CTNNAL1: variants seen among roughly 807,000 people sequenced by gnomAD.
The protein encoded by CTNNAL1 is catenin alpha like 1.
Under a neutral mutation model 93.6 loss-of-function variants are expected in CTNNAL1, and 69 were observed. The ratio of observed to expected loss-of-function variants is 0.74; its 90% CI spans 0.61 to 0.90. CTNNAL1 has a LOEUF of 0.90. Among genes scored for constraint, CTNNAL1 ranks in the 40% least tolerant of loss-of-function variants. The pLI, the probability that CTNNAL1 is intolerant of heterozygous loss-of-function variation, is 0.00. For missense variants in CTNNAL1, 836 were observed against 862.0 expected, an observed-to-expected ratio of 0.97 and a Z score of 0.38; for synonymous variants, 286 against 305.4, an observed-to-expected ratio of 0.94 and a Z score of 0.66.
At position 108,975,350 on chromosome 9, in the gene CTNNAL1, GC is replaced by G. The variant is rs1254064943; in HGVS notation, c.1188+1611del. Reference sequence around the variant, plus strand: ...AGGGGCAGGGGTGGGGGTAGGGGGGGCAACAGGAAAGCCTCTGAAGAACCAC... The same window carrying G: ...AGGGGCAGGGGTGGGGGTAGGGGGGGAACAGGAAAGCCTCTGAAGAACCAC... On this transcript the variant is annotated intron_variant, in intron 8 of 18. Coordinates refer to ENST00000325551, the MANE Select transcript of CTNNAL1 (RefSeq NM_003798.4). Among the ~76,000 whole-genome samples the G allele has an allele frequency of 9.2e-5, 14 of 151,918 alleles. No homozygotes were observed. The South Asian group carries it at 2.9e-3, about 32-fold the overall frequency.
At chr9:109,011,615 C>T (rs1270225516) in intron 1 of CTNNAL1, among the ~76,000 whole-genome samples, 1 of 152,204 alleles carries the variant, frequency 6.6e-6, no homozygotes, top group Non-Finnish European at 1.5e-5. Context: ...CTCTAGATCT[C>T]ATTACTGCTT....
chr9:108,998,975 T>G (rs1832125031), intron 2 of CTNNAL1, 92 bp downstream of exon 2: 1 of 1,398,680 alleles, frequency 7.1e-7, no homozygotes, highest in Non-Finnish European at 9.5e-7. Context: ...CAAAGAGCTG[T>G]ATATCTTTAT....
At chr9:109,013,209 A>G (rs973193601) in intron 1 of CTNNAL1, 93 bp downstream of exon 1, 43 of 1,350,230 alleles carry the variant, frequency 3.2e-5, no homozygotes, top group Non-Finnish European at 3.9e-5. Context: ...AAAGTGGGGC[A>G]GCGGCTGCCT....
At chr9:108,950,438 G>A (rs1405870687) in intron 14 of CTNNAL1, 7 of 1,494,614 alleles carry the variant, frequency 4.7e-6, no homozygotes, top group Non-Finnish European at 5.4e-6. Flanking sequence ...ATATGATAAG[G>A]TACTGACAAA....
intron 15 of CTNNAL1, among the ~76,000 whole-genome samples, chr9:108,945,403 T>C (rs750693478): frequency 2.0e-5 from 3 of 152,154 alleles, no homozygotes; most frequent in African/African-American, 2.4e-5. Context: ...CTTGGAACTC[T>C]AACCTTTTAA....
intron 4 of CTNNAL1, among the ~76,000 whole-genome samples, chr9:108,986,319 T>C (rs1831605261): frequency 6.6e-6 from 1 of 150,618 alleles, no homozygotes; most frequent in South Asian, 2.1e-4. Flanking sequence ...AGAATGATGA[T>C]TTCCAATTTC....
At chr9:109,004,929 T>G (rs1461845352) in intron 1 of CTNNAL1, among the ~76,000 whole-genome samples, 1 of 152,200 alleles carries the variant, frequency 6.6e-6, no homozygotes, top group Admixed American at 6.5e-5. Flanking sequence ...CCTCAGGTAT[T>G]ATTAAAGATT....
intron 4 of CTNNAL1, among the ~76,000 whole-genome samples, chr9:108,990,395 T>C (rs1831754332): frequency 6.6e-6 from 1 of 152,208 alleles, no homozygotes; most frequent in Non-Finnish European, 1.5e-5. Context: ...CAATTTTATG[T>C]GCCTGAGCCC....
chr9:108,976,543 T>G (rs369377400), intron 8 of CTNNAL1, among the ~76,000 whole-genome samples: 3 of 152,252 alleles, frequency 2.0e-5, no homozygotes, highest in Admixed American at 6.5e-5. Flanking sequence ...TTTTTTTTCT[T>G]TTTTTGAGAC....
intron 10 of CTNNAL1, among the ~76,000 whole-genome samples, chr9:108,965,862 G>GTACT (rs891284302): frequency 6.6e-6 from 1 of 152,102 alleles, no homozygotes; most frequent in African/African-American, 2.4e-5. Flanking sequence ...CACAAAAAGT[G>GTACT]TACTGTATAC....
chr9:108,999,083 A>T lies in CTNNAL1; in HGVS notation c.315T>A (p.Ile105=). ...DLKEEINIAC[I]EAKQAGETIA... ...TCCACCTACCTGCTTGTTTAGCTTC[A>T]ATACAAGCAATATTTATTTCTTCTT... Residue 105 remains isoleucine (I), a synonymous_variant, in exon 2 of 19, where the codon ATT becomes ATA. Transcript: ENST00000325551. 6.2e-7 allele frequency: 1 copy of T among 1,608,402 alleles called. No individual in the cohort carries two copies.
chr9:108,990,589 T>A (rs777645721), intron 4 of CTNNAL1, 137 bp downstream of exon 4: 1 of 1,028,198 alleles, frequency 9.7e-7, no homozygotes, highest in Non-Finnish European at 1.4e-6. Flanking sequence ...CTGGCTTATC[T>A]ATGAAAGGCT....
chr9:108,997,990 T>C (rs1171533527), intron 2 of CTNNAL1, among the ~76,000 whole-genome samples: 1 of 152,160 alleles, frequency 6.6e-6, no homozygotes, highest in Non-Finnish European at 1.5e-5. Context: ...GCACAAAATC[T>C]CCCACTAATC....
At chr9:108,956,915 AAC>A (rs1830701321) in intron 11 of CTNNAL1, among the ~76,000 whole-genome samples, 1 of 151,920 alleles carries the variant, frequency 6.6e-6, no homozygotes, top group Non-Finnish European at 1.5e-5. Flanking sequence ...AAGTGTATTA[AAC>A]ACTTACAAGT....
At position 108,992,808 on chromosome 9, in the gene CTNNAL1, C is replaced by A. The variant is rs150592340; in HGVS notation, c.343G>T (p.Ala115Ser). 1.9e-6 allele frequency: 3 copies of A among 1,605,934 alleles called. No individual in the cohort carries two copies. The highest frequency in any genetic ancestry group is 1.7e-6 in the Non-Finnish European group (2 of 1,177,114). ...IEAKQAGETI[A>S]ALTDITNLNH... ...AAGTTGGTTATGTCTGTAAGTGCTGCAATTGTTTCTCCTAACAAGAAAGAC... is the reference window on the plus strand; with the variant it reads ...AAGTTGGTTATGTCTGTAAGTGCTGAAATTGTTTCTCCTAACAAGAAAGAC... The change falls in exon 3 of 19, where the codon GCA becomes TCA. Residue 115 changes from alanine (A) to serine (S), a missense_variant. Ala to Ser is a moderately conservative substitution (Grantham distance 99). Coordinates refer to ENST00000325551, the MANE Select transcript of CTNNAL1 (RefSeq NM_003798.4).
intron 9 of CTNNAL1, among the ~76,000 whole-genome samples, chr9:108,972,235 C>T (rs1030056582): frequency 2.6e-5 from 4 of 152,172 alleles, no homozygotes; most frequent in East Asian, 3.9e-4. Flanking sequence ...TGCTACCACT[C>T]GCCCCAATTA....
rs552426973 is a variant in CTNNAL1 at position 109,000,457 on chromosome 9, C to G, written c.142-1201G>C. On this transcript the variant is annotated intron_variant, in intron 1 of 18. Transcript: ENST00000325551. ...CCCACGTTCCCATGGGGCTTACATT[C>G]TAGTGAAGGAGTGGGGGAGAACTAA... 1.6e-4 allele frequency among the ~76,000 whole-genome samples: 24 copies of G among 152,246 alleles called. No homozygotes were observed. The East Asian group carries it at 4.2e-3, about 27-fold the overall frequency.
chr9:108,952,372 C>T lies in CTNNAL1; in HGVS notation c.1681-9G>A, dbSNP rs2132094373. The T allele has an allele frequency of 6.2e-7, 1 of 1,614,156 alleles. No homozygotes were observed. The highest frequency in any genetic ancestry group is 8.5e-7 in the Non-Finnish European group (1 of 1,180,018). ...GCTATCTTGGCTTGCTCCTATGAAA[C>T]AGACGTTTTAATCACAACGACTTTA... On this transcript the variant is annotated splice_polypyrimidine_tract_variant and intron_variant, in intron 13 of 18. Transcript: ENST00000325551.
chr9:108,959,634 AAAG>A (rs1830778396), intron 11 of CTNNAL1, among the ~76,000 whole-genome samples: 1 of 152,162 alleles, frequency 6.6e-6, no homozygotes, highest in South Asian at 2.1e-4. Flanking sequence ...CTGTTATATC[AAAG>A]AAGTAGCATA....
Sources: allele counts gnomAD v4.1 joint callset (sites outside exome capture counted in the v4.1 genomes callset), GRCh38; gene constraint gnomAD v4.1.1; transcripts MANE v1.5; gene names NCBI Gene and HGNC (gene_info 2026-07-23, HGNC 2026-07-21).